Variants in ZSWIM6 observed in about 807,000 individuals in gnomAD.
ZSWIM6 encodes zinc finger SWIM domain-containing protein 6.
Under a neutral mutation model 113.2 loss-of-function variants are expected in ZSWIM6, and 9 were observed. The ratio of observed to expected loss-of-function variants is 0.08; its 90% CI spans 0.05 to 0.14. ZSWIM6 has a LOEUF of 0.14. Among genes scored for constraint, ZSWIM6 ranks in the 10% least tolerant of loss-of-function variants. The pLI is 1.00. For synonymous variants in ZSWIM6, 611 were observed against 606.5 expected, an observed-to-expected ratio of 1.01 and a Z score of -0.11; for missense variants, 1,162 against 1,552.2, an observed-to-expected ratio of 0.75 and a Z score of 4.22.
chr5:61,472,296 G>GA lies in ZSWIM6; in HGVS notation c.677-379dup, dbSNP rs2112183809. On this transcript the variant is annotated intron_variant, in intron 1 of 13. Transcript: ENST00000252744. This position sits in a 1 kb window ranked among gnomAD's most constrained non-coding sequence, Gnocchi z 4.1. ...GGTGACTCTGCTTAAAAAAGGAGTA[G>GA]AAAAAAGAAGAAACCACTGATCCCA... 6.6e-6 allele frequency among the ~76,000 whole-genome samples: 1 copy of GA among 152,108 alleles called. No homozygotes were observed. Among genetic ancestry groups the GA allele is most frequent in the South Asian group, 2.1e-4 (1 of 4,814 alleles).
chr5:61,447,203 A>G (rs1746973641), intron 1 of ZSWIM6, among the ~76,000 whole-genome samples: 1 of 152,108 alleles, frequency 6.6e-6, no homozygotes, highest in Non-Finnish European at 1.5e-5. Context: ...AAGTTAGGAG[A>G]GACCTAACTT....
chr5:61,486,034 T>A (rs1404171534), intron 2 of ZSWIM6, among the ~76,000 whole-genome samples: 1 of 152,178 alleles, frequency 6.6e-6, no homozygotes, highest in African/African-American at 2.4e-5. Context: ...GATTTCATGG[T>A]GGTGTGTAGT....
At chr5:61,515,988 T>A (rs2112252313) in intron 4 of ZSWIM6, among the ~76,000 whole-genome samples, 1 of 152,166 alleles carries the variant, frequency 6.6e-6, no homozygotes, top group Non-Finnish European at 1.5e-5. Flanking sequence ...ACCAGCTTTA[T>A]TTTATAGTGT....
In ZSWIM6 at chr5:61,427,651, AT is replaced by A. The variant is rs924324982; in HGVS notation, c.677-45020del. Among the ~76,000 whole-genome samples the A allele has an allele frequency of 2.2e-4, 32 of 148,080 alleles. No individual in the cohort carries two copies. The South Asian group carries it at 5.1e-3, about 24-fold the overall frequency. On this transcript the variant is annotated intron_variant, in intron 1 of 13. Coordinates refer to ENST00000252744, the MANE Select transcript of ZSWIM6 (RefSeq NM_020928.2). Reference sequence around the variant, plus strand: ...AAGCCACTGTGCCTCGTTAATTTTTATTTTTTTTTTGTAGAGACAGGGACTC... The same window carrying A: ...AAGCCACTGTGCCTCGTTAATTTTTATTTTTTTTTGTAGAGACAGGGACTC...
intron 2 of ZSWIM6, among the ~76,000 whole-genome samples, chr5:61,478,335 T>C (rs1409535868): frequency 6.6e-6 from 1 of 152,168 alleles, no homozygotes; most frequent in Admixed American, 6.5e-5. Flanking sequence ...TTTTTCCCCA[T>C]TCCCAACAGC....
intron 7 of ZSWIM6, among the ~76,000 whole-genome samples, chr5:61,526,601 T>TA (rs397716099): frequency 7.9e-5 from 12 of 152,106 alleles, no homozygotes; most frequent in Middle Eastern, 3.4e-3. Flanking sequence ...TTTTTTTTTT[T>TA]AATCTCTCAG....
At chr5:61,407,197 A>G (rs1372545661) in intron 1 of ZSWIM6, among the ~76,000 whole-genome samples, 1 of 152,248 alleles carries the variant, frequency 6.6e-6, no homozygotes, top group Non-Finnish European at 1.5e-5. Context: ...CCACTTTTAC[A>G]TAAGAAAAAT....
At chr5:61,384,037 C>T (rs1001674813) in intron 1 of ZSWIM6, among the ~76,000 whole-genome samples, 5 of 148,404 alleles carry the variant, frequency 3.4e-5, no homozygotes, top group Non-Finnish European at 7.5e-5. Context: ...GTCAGGAGAT[C>T]GAGACCATCC....
At chr5:61,374,364 C>T (rs1170366531) in intron 1 of ZSWIM6, among the ~76,000 whole-genome samples, 1 of 151,980 alleles carries the variant, frequency 6.6e-6, no homozygotes, top group Non-Finnish European at 1.5e-5. Context: ...GTACTTTTGG[C>T]GTTCATACAT....
chr5:61,490,322 G>A (rs377713490), intron 2 of ZSWIM6, among the ~76,000 whole-genome samples: 15 of 152,170 alleles, frequency 9.9e-5, no homozygotes, highest in African/African-American at 3.6e-4. Flanking sequence ...ACTTATGTCA[G>A]CATGTAGTTT....
intron 1 of ZSWIM6, among the ~76,000 whole-genome samples, chr5:61,384,208 T>C (rs1745546566): frequency 7.5e-6 from 1 of 132,772 alleles, no homozygotes; most frequent in Non-Finnish European, 1.5e-5. Context: ...GCCACTGCAG[T>C]CCGCAGTCCA....
chr5:61,363,233 A>T (rs1745070029), intron 1 of ZSWIM6, among the ~76,000 whole-genome samples: 1 of 152,254 alleles, frequency 6.6e-6, no homozygotes, highest in Non-Finnish European at 1.5e-5. Context: ...ACAGGCTAAC[A>T]GCACCAGTTT....
intron 1 of ZSWIM6, among the ~76,000 whole-genome samples, chr5:61,396,402 C>T (rs181403531): frequency 2.9e-4 from 44 of 151,810 alleles, no homozygotes; most frequent in Non-Finnish European, 5.9e-4. Context: ...TATGGTGGCG[C>T]ACACCTGTAG....
At chr5:61,441,742 G>C (rs1285448497) in intron 1 of ZSWIM6, among the ~76,000 whole-genome samples, 2 of 152,094 alleles carry the variant, frequency 1.3e-5, no homozygotes, top group African/African-American at 2.4e-5. Flanking sequence ...GTATATCACA[G>C]GTTAGCCTTC....
intron 1 of ZSWIM6, among the ~76,000 whole-genome samples, chr5:61,372,793 G>C (rs932997652): frequency 1.2e-4 from 18 of 152,074 alleles, no homozygotes; most frequent in African/African-American, 4.3e-4. Flanking sequence ...TTCTGTAAAT[G>C]ACACCATCAT....
chr5:61,519,484 G>C (rs1310493963), intron 4 of ZSWIM6, among the ~76,000 whole-genome samples: 1 of 152,102 alleles, frequency 6.6e-6, no homozygotes, highest in Non-Finnish European at 1.5e-5. Context: ...TGCTTCTCCA[G>C]GTTTTATTTT....
chr5:61,444,362 G>A (rs886808776), intron 1 of ZSWIM6, among the ~76,000 whole-genome samples: 13 of 151,980 alleles, frequency 8.6e-5, no homozygotes, highest in Non-Finnish European at 1.8e-4. Flanking sequence ...GGACATTTAG[G>A]TTGGTTCCAA....
intron 1 of ZSWIM6, among the ~76,000 whole-genome samples, chr5:61,421,816 TC>T (rs748598318): frequency 2.3e-4 from 35 of 152,236 alleles, no homozygotes; most frequent in Admixed American, 5.2e-4. Context: ...GAAGTTGTTC[TC>T]TTTTATGGCT....
At chr5:61,436,987 G>A (rs1018160186) in intron 1 of ZSWIM6, among the ~76,000 whole-genome samples, 1 of 152,094 alleles carries the variant, frequency 6.6e-6, no homozygotes, top group African/African-American at 2.4e-5. Context: ...GCCATTCTTC[G>A]ATCTTGCCCT....
Sources: allele counts gnomAD v4.1 joint callset (sites outside exome capture counted in the v4.1 genomes callset), GRCh38; gene constraint gnomAD v4.1.1; non-coding constraint Gnocchi (gnomAD v3.1); transcripts MANE v1.5; gene names NCBI Gene and HGNC (gene_info 2026-07-23, HGNC 2026-07-21).